MERTK: variants seen among roughly 807,000 people sequenced by gnomAD.
MERTK encodes MER proto-oncogene, tyrosine kinase.
A neutral mutation model predicts 99.3 loss-of-function variants in MERTK; 69 were observed. The observed-to-expected ratio is 0.70, with a 90% CI of 0.57 to 0.85. The LOEUF is 0.85. Ranked by LOEUF, MERTK falls within the 40% of genes least tolerant of loss-of-function variation. The probability of loss-of-function intolerance (pLI) is 0.00; values close to 1 mark genes in which losing one functional copy is unlikely to be tolerated. For missense variants in MERTK, 1,125 were observed against 1,249.4 expected (o/e 0.90, Z 1.50); for synonymous variants, 426 against 467.6 (o/e 0.91, Z 1.15).
intron 12 of MERTK, chr2:112,003,562 A>G (rs1676913113): frequency 2.8e-6 from 1 of 353,646 alleles, no homozygotes; most frequent in Admixed American, 4.5e-5. Context: ...TAACTTGTTA[A>G]GTTGTTCTTA....
chr2:111,921,290 A>G (rs976763986), intron 1 of MERTK, among the ~76,000 whole-genome samples: 39 of 152,132 alleles, frequency 2.6e-4, no homozygotes, highest in East Asian at 1.9e-4. Flanking sequence ...ACCTGAGGTT[A>G]GGAGTTCGAC....
chr2:111,959,229 A>G (rs966418926), intron 4 of MERTK, among the ~76,000 whole-genome samples: 1 of 152,192 alleles, frequency 6.6e-6, no homozygotes, highest in African/African-American at 2.4e-5. Flanking sequence ...TGGACCCCTT[A>G]GTGGGATCAG....
intron 6 of MERTK, among the ~76,000 whole-genome samples, chr2:111,969,636 G>T (rs1676042637): frequency 6.6e-6 from 1 of 151,188 alleles, no homozygotes; most frequent in Non-Finnish European, 1.5e-5. Flanking sequence ...AAGAGTAAAA[G>T]CCTGTATTAT....
rs1573578144 is a variant in MERTK, at chr2:111,929,474, G to A, written c.416G>A (p.Gly139Glu). 1 of 1,613,820 alleles carries A rather than the reference G, an allele frequency of 6.2e-7. No individual in the cohort carries two copies. Among genetic ancestry groups the A allele is most frequent in the Non-Finnish European group, 8.5e-7 (1 of 1,179,946 alleles). ...SWWKDGKELL[G>E]AHHAITQFYP... ...TGGAAAGATGGGAAGGAATTGCTTGGGGCACATCATGCAATTACACAGTTT... is the reference window on the plus strand; with the variant it reads ...TGGAAAGATGGGAAGGAATTGCTTGAGGCACATCATGCAATTACACAGTTT... Residue 139 changes from glycine to glutamate, a missense_variant, in exon 2 of 19, where the codon GGG (glycine) becomes GAG (glutamate). Physicochemically the swap from Gly to Glu is moderately conservative, Grantham distance 98 (BLOSUM62 -2). Transcript: ENST00000295408.
intron 7 of MERTK, among the ~76,000 whole-genome samples, chr2:111,980,786 G>A (rs907712378): frequency 5.3e-5 from 8 of 152,100 alleles, no homozygotes; most frequent in African/African-American, 1.9e-4. Flanking sequence ...TTTACTACCT[G>A]GGCCCACAGC....
intron 1 of MERTK, among the ~76,000 whole-genome samples, chr2:111,922,885 A>G (rs1684490985): frequency 6.6e-6 from 1 of 152,214 alleles, no homozygotes; most frequent in Admixed American, 6.5e-5. Context: ...TGAGGGTAGG[A>G]TGCACTAGTT....
intron 1 of MERTK, among the ~76,000 whole-genome samples, chr2:111,900,002 A>G (rs1317654644): frequency 2.0e-5 from 3 of 152,152 alleles, no homozygotes; most frequent in African/African-American, 2.4e-5. Flanking sequence ...AAGAAAGGGG[A>G]AAAATGCTAA....
intron 2 of MERTK, among the ~76,000 whole-genome samples, chr2:111,939,503 A>G (rs1459291269): frequency 6.6e-6 from 1 of 151,926 alleles, no homozygotes; most frequent in Non-Finnish European, 1.5e-5. Flanking sequence ...TTAATTTGAG[A>G]CAGGGTCTCA....
intron 16 of MERTK, chr2:112,020,541 G>A: frequency 4.3e-6 from 2 of 470,044 alleles, no homozygotes; most frequent in South Asian, 1.6e-5. Context: ...TGTAGGAGCT[G>A]TTTTAGTAGC....
intron 3 of MERTK, among the ~76,000 whole-genome samples, chr2:111,947,139 G>A (rs1344251955): frequency 2.0e-5 from 3 of 152,142 alleles, no homozygotes; most frequent in Non-Finnish European, 4.4e-5. Context: ...CAGACCTGGT[G>A]GTGTGCGCCT....
rs750007781 is a variant in MERTK at position 112,019,433 on chromosome 2, A to G, written c.2100A>G (p.Leu700=). 1.9e-6 allele frequency: 3 copies of G among 1,612,516 alleles called. No individual in the cohort carries two copies. Among genetic ancestry groups the G allele is most frequent in the Admixed American group, 1.7e-5 (1 of 59,994 alleles). ...TCTAGCATATTCCTCTGCAGACACT[A>G]TTGAAGTTCATGGTGGATATTGCCC... is the stretch of plus-strand genomic sequence containing the variant. ...TGPKHIPLQT[L]LKFMVDIALG... Residue 700 remains leucine (L), a synonymous_variant, in exon 16 of 19, where the codon CTA becomes CTG. Coordinates refer to ENST00000295408, the MANE Select transcript of MERTK (RefSeq NM_006343.3).
intron 2 of MERTK, among the ~76,000 whole-genome samples, chr2:111,938,899 A>G (rs533698731): frequency 4.6e-5 from 7 of 152,176 alleles, no homozygotes; most frequent in Non-Finnish European, 1.0e-4. Context: ...TGTGTGTGCT[A>G]GTCTCCAGCA....
chr2:112,004,751 A>C (rs1477325427), intron 13 of MERTK, among the ~76,000 whole-genome samples: 4 of 152,116 alleles, frequency 2.6e-5, no homozygotes, highest in African/African-American at 9.7e-5. Context: ...CTCCACTAAA[A>C]ATACAAAAAT....
intron 2 of MERTK, among the ~76,000 whole-genome samples, chr2:111,944,575 G>T (rs969998960): frequency 1.6e-3 from 1 of 632 alleles, no homozygotes; most frequent in African/African-American, 6.4e-3. Flanking sequence ...AATCAACAGG[G>T]TGTTGGGTGG....
In MERTK at chr2:111,929,466, A is replaced by C. The variant is rs1480823765; in HGVS notation, c.408A>C (p.Glu136Asp). The C allele has an allele frequency of 4.3e-6, 7 of 1,614,168 alleles. No homozygotes were observed. In the South Asian group the frequency reaches 7.7e-5, roughly 18 times the overall value. The change falls in exon 2 of 19, where the codon GAA (glutamate) becomes GAC (aspartate). Residue 136 changes from glutamate (E) to aspartate (D), a missense_variant. Coordinates refer to ENST00000295408, the MANE Select transcript of MERTK (RefSeq NM_006343.3). ...TTISWWKDGK[E>D]LLGAHHAITQ... Reference sequence around the variant, plus strand: ...TTTCTTGGTGGAAAGATGGGAAGGAATTGCTTGGGGCACATCATGCAATTA... The same window carrying C: ...TTTCTTGGTGGAAAGATGGGAAGGACTTGCTTGGGGCACATCATGCAATTA...
chr2:111,965,137 T>G (rs919177151), intron 4 of MERTK, 54 bp from the exon 5 acceptor site: 1 of 1,487,196 alleles, frequency 6.7e-7, no homozygotes, highest in Non-Finnish European at 9.4e-7. Context: ...AGAATTGTAG[T>G]GAACAGCAGC....
intron 14 of MERTK, 155 bp downstream of exon 14, chr2:112,008,630 A>G: frequency 2.7e-6 from 2 of 747,572 alleles, no homozygotes; most frequent in Non-Finnish European, 4.9e-6. Flanking sequence ...TTTCTTCATA[A>G]TGATGTTTTC....
intron 2 of MERTK, among the ~76,000 whole-genome samples, chr2:111,934,887 G>C (rs1684737866): frequency 6.6e-6 from 1 of 152,094 alleles, no homozygotes; most frequent in Non-Finnish European, 1.5e-5. Context: ...GAAAGCATCT[G>C]GTCTTTGGTC....
chr2:111,988,719 G>A (rs1170609997), intron 8 of MERTK, among the ~76,000 whole-genome samples: 4 of 152,346 alleles, frequency 2.6e-5, no homozygotes, highest in East Asian at 1.9e-4. Context: ...GCCAAGGCAG[G>A]TGGATCACCT....
Sources: allele counts gnomAD v4.1 joint callset (sites outside exome capture counted in the v4.1 genomes callset), GRCh38; gene constraint gnomAD v4.1.1; transcripts MANE v1.5; gene names NCBI Gene and HGNC (gene_info 2026-07-23, HGNC 2026-07-21).